Variants in HDAC9 observed in about 807,000 individuals in gnomAD.
HDAC9 encodes the protein MEF-2 interacting transcription repressor (MITR) protein.
Under a neutral mutation model 139.4 loss-of-function variants are expected in HDAC9, and 41 were observed. The ratio of observed to expected loss-of-function variants is 0.29; its 90% CI spans 0.23 to 0.38. The LOEUF (loss-of-function observed/expected upper bound fraction) is 0.38. Ranked by LOEUF, HDAC9 falls within the 10% of genes least tolerant of loss-of-function variation. The pLI, the probability that HDAC9 is intolerant of heterozygous loss-of-function variation, is 1.00. For synonymous variants in HDAC9, 517 were observed against 476.2 expected (o/e 1.09, Z -1.12); for missense variants, 1,147 against 1,297.0 (o/e 0.88, Z 1.78).
chr7:18,274,650 G>C (rs998022452), intron 2 of HDAC9, among the ~76,000 whole-genome samples: 1 of 152,138 alleles, frequency 6.6e-6, no homozygotes. Context: ...TAAATAATTT[G>C]AGATATTTTT....
At chr7:18,924,538 G>T (rs1043014810) in intron 22 of HDAC9, among the ~76,000 whole-genome samples, 7 of 151,956 alleles carry the variant, frequency 4.6e-5, no homozygotes, top group Non-Finnish European at 8.8e-5. Context: ...TGGTCATTTG[G>T]GAAATGCAAT....
intron 2 of HDAC9, among the ~76,000 whole-genome samples, chr7:18,227,940 T>C (rs1472806332): frequency 1.3e-5 from 2 of 152,234 alleles, no homozygotes; most frequent in East Asian, 3.8e-4. Context: ...TTCCCCTGTG[T>C]TATAATAACT....
intron 2 of HDAC9, among the ~76,000 whole-genome samples, chr7:18,280,595 A>G (rs1189704592): frequency 6.6e-6 from 1 of 151,368 alleles, no homozygotes; most frequent in African/African-American, 2.4e-5. Flanking sequence ...CTCAAAAAAA[A>G]AAAACAAAAA....
At chr7:18,158,863 G>A (rs1287656885) in intron 1 of HDAC9, among the ~76,000 whole-genome samples, 1 of 152,210 alleles carries the variant, frequency 6.6e-6, no homozygotes, top group Non-Finnish European at 1.5e-5. Context: ...GCATGGGTAA[G>A]CTGAGACTGC....
At chr7:18,858,396 GTGCCCAGCAAAGGGGGAAGCCCCT>G in intron 21 of HDAC9, among the ~76,000 whole-genome samples, 1 of 152,272 alleles carries the variant, frequency 6.6e-6, no homozygotes, top group Non-Finnish European at 1.5e-5. Flanking sequence ...GAGAGAATGA[GTGCCCAGCAAAGGGGGAAGCCCCT>G]TATAAAACCG....
At chr7:18,396,689 TA>T (rs1160996191) in intron 1 of HDAC9, among the ~76,000 whole-genome samples, 2 of 152,156 alleles carry the variant, frequency 1.3e-5, no homozygotes, top group Non-Finnish European at 2.9e-5. Flanking sequence ...AGACCAGGCT[TA>T]AAAATTCCAG....
In HDAC9 at chr7:18,235,361, C is replaced by T. The variant is rs574530479; in HGVS notation, c.25+73012C>T. 3.3e-5 allele frequency among the ~76,000 whole-genome samples: 5 copies of T among 151,894 alleles called. No homozygotes were observed. In the South Asian group the frequency reaches 6.3e-4, roughly 19 times the overall value. On this transcript the variant is annotated intron_variant, in intron 2 of 12. Coordinates refer to the HDAC9 transcript ENST00000417496. ...GGTATTCTGGTAAATGTTTTAACAA[C>T]GAACTCTCTGAAAACAATGCACAAG...
chr7:18,477,402 C>T (rs772250288), intron 1 of HDAC9, among the ~76,000 whole-genome samples: 2 of 150,736 alleles, frequency 1.3e-5, no homozygotes, highest in Non-Finnish European at 2.9e-5. Context: ...TGCGTGCGTG[C>T]GTGCATGCGT....
Position 18,469,666 on chromosome 7 carries a change from C to T in HDAC9, c.-41-26596C>T, listed in dbSNP as rs117763755. On this transcript the variant is annotated intron_variant, in intron 1 of 3. Coordinates refer to the HDAC9 transcript ENST00000413509. ...CAACTGTATAGTGGTTTTCTCTATC[C>T]TTATTCTATCAACATTTTATGAGTC... Among the ~76,000 whole-genome samples, 1,507 of 152,204 alleles carry T rather than the reference C, an allele frequency of 9.9e-3. 13 individuals are homozygous for T. Among genetic ancestry groups the T allele is most frequent in the Non-Finnish European group, 0.015 (1,004 of 67,990 alleles).
intron 12 of HDAC9, among the ~76,000 whole-genome samples, chr7:18,675,883 T>A (rs1781472664): frequency 1.3e-5 from 2 of 152,062 alleles, no homozygotes; most frequent in Admixed American, 1.3e-4. Flanking sequence ...CTGCCTTTTC[T>A]TCTGTCTCCT....
chr7:18,353,791 C>T (rs1261194039), intron 1 of HDAC9, among the ~76,000 whole-genome samples: 1 of 152,182 alleles, frequency 6.6e-6, no homozygotes, highest in Non-Finnish European at 1.5e-5. Context: ...AGCAGGTACA[C>T]AACTTTTTAA....
At chr7:18,715,684 A>G (rs917010747) in intron 12 of HDAC9, among the ~76,000 whole-genome samples, 14 of 152,192 alleles carry the variant, frequency 9.2e-5, no homozygotes, top group African/African-American at 2.9e-4. Flanking sequence ...TAAAAAATAC[A>G]TTCATGACAT....
At chr7:18,665,579 A>G (rs1381586387) in intron 11 of HDAC9, among the ~76,000 whole-genome samples, 2 of 152,152 alleles carry the variant, frequency 1.3e-5, no homozygotes, top group South Asian at 2.1e-4. Context: ...TTTAATTTCC[A>G]TTTGAGTCTG....
At chr7:18,771,121 C>T (rs563396279) in intron 16 of HDAC9, among the ~76,000 whole-genome samples, 21 of 152,134 alleles carry the variant, frequency 1.4e-4, no homozygotes, top group African/African-American at 4.6e-4. Context: ...TTGCAGGGCA[C>T]GGGCAGAACT....
At chr7:18,485,446 T>C (rs1193943421) in intron 1 of HDAC9, among the ~76,000 whole-genome samples, 2 of 149,800 alleles carry the variant, frequency 1.3e-5, no homozygotes, top group Admixed American at 1.3e-4. Flanking sequence ...ATTTAATTTA[T>C]ATATATTTAT....
chr7:18,383,061 A>C (rs7786745), intron 1 of HDAC9, among the ~76,000 whole-genome samples: 32,774 of 152,172 alleles, frequency 0.22, 3,750 homozygotes, highest in Admixed American at 0.24. Context: ...TACTGTTATA[A>C]ATTAATTCTA....
At chr7:18,217,394 A>G (rs185818698) in intron 2 of HDAC9, among the ~76,000 whole-genome samples, 178 of 152,220 alleles carry the variant, frequency 1.2e-3, no homozygotes, top group Non-Finnish European at 1.9e-3. Flanking sequence ...TGAAATTAAC[A>G]ACTGTTTTTA....
intron 1 of HDAC9, among the ~76,000 whole-genome samples, chr7:18,161,003 A>G (rs1465192561): frequency 6.6e-6 from 1 of 152,212 alleles, no homozygotes; most frequent in Admixed American, 6.5e-5. Flanking sequence ...CTTTCTGTAG[A>G]GATGTTGCTT....
chr7:18,827,252 A>G (rs904016717), intron 17 of HDAC9, among the ~76,000 whole-genome samples: 2 of 152,164 alleles, frequency 1.3e-5, no homozygotes, highest in Non-Finnish European at 2.9e-5. Context: ...AAAATGTTAA[A>G]GACTATCTAA....
Sources: allele counts gnomAD v4.1 joint callset (sites outside exome capture counted in the v4.1 genomes callset), GRCh38; gene constraint gnomAD v4.1.1; transcripts MANE v1.5; gene names NCBI Gene and HGNC (gene_info 2026-07-23, HGNC 2026-07-21).